FHAD1: variants seen among roughly 807,000 people sequenced by gnomAD.
The protein encoded by FHAD1 is forkhead associated phosphopeptide binding domain 1, also known as forkhead-associated domain-containing protein 1.
A neutral mutation model predicts 191.3 loss-of-function variants in FHAD1; 146 were observed. That is an observed-to-expected ratio of 0.76 (90% CI 0.67 to 0.88). The LOEUF is 0.88. Ranked by LOEUF, FHAD1 falls within the 40% of genes least tolerant of loss-of-function variation. FHAD1 has a pLI of 0.00. For missense variants in FHAD1, 1,635 were observed against 1,785.8 expected (o/e 0.92, Z 1.52); for synonymous variants, 616 against 672.3 (o/e 0.92, Z 1.29).
chr1:15,273,061 G>T (rs1003529343), intron 3 of FHAD1, among the ~76,000 whole-genome samples: 1 of 152,150 alleles, frequency 6.6e-6, no homozygotes, highest in Non-Finnish European at 1.5e-5. Flanking sequence ...CCCTAAACAT[G>T]TCTGATTATC....
chr1:15,308,104 C>T (rs1671091702), intron 6 of FHAD1, among the ~76,000 whole-genome samples: 3 of 152,210 alleles, frequency 2.0e-5, no homozygotes, highest in Non-Finnish European at 4.4e-5. Context: ...GGAGCATTCC[C>T]AGGAGCCTTC....
intron 8 of FHAD1, 97 bp downstream of exon 8, chr1:15,313,284 A>G (rs1334099923): frequency 2.7e-5 from 26 of 961,700 alleles, no homozygotes; most frequent in Non-Finnish European, 3.0e-5. Context: ...CTGGGCCCTT[A>G]GTTTAAATTT....
At chr1:15,280,227 T>C (rs7553794) in intron 3 of FHAD1, among the ~76,000 whole-genome samples, 31,982 of 152,048 alleles carry the variant, frequency 0.21, 4,731 homozygotes, top group African/African-American at 0.41. Flanking sequence ...CCAGAGAGCA[T>C]GGCACACTTC....
intron 4 of FHAD1, among the ~76,000 whole-genome samples, chr1:15,292,338 T>C (rs1201487893): frequency 6.6e-6 from 1 of 151,798 alleles, no homozygotes; most frequent in East Asian, 1.9e-4. Context: ...TTTTTTGTTT[T>C]GTTTTGTCTT....
At chr1:15,267,040 C>T (rs919423882) in intron 2 of FHAD1, among the ~76,000 whole-genome samples, 20 of 151,952 alleles carry the variant, frequency 1.3e-4, no homozygotes, top group South Asian at 6.2e-4. Context: ...AAACATGCAT[C>T]CAAAATAAAT....
chr1:15,374,564 G>C lies in FHAD1; in HGVS notation c.3510G>C (p.Gln1170His), dbSNP rs1354694556. ...GGTCCCGGCACGAGGAGGTCATTCA[G>C]CGTCAGAAAAAGGCCTTATCTGAAC... The part of the protein sequence containing the change: ...CKGSRHEEVI[Q>H]RQKKALSELR... The change falls in exon 27 of 34, where the codon CAG becomes CAC. Residue 1170 changes from glutamine (Q) to histidine (H), a missense_variant. Coordinates refer to ENST00000688493, the MANE Select transcript of FHAD1 (RefSeq NM_001391957.1). 1.3e-6 allele frequency: 2 copies of C among 1,551,764 alleles called. No individual in the cohort carries two copies. The highest frequency in any genetic ancestry group is 1.7e-6 in the Non-Finnish European group (2 of 1,147,004).
chr1:15,390,844 C>G (rs932666544), intron 32 of FHAD1, among the ~76,000 whole-genome samples: 4 of 152,210 alleles, frequency 2.6e-5, no homozygotes, highest in African/African-American at 4.8e-5. Context: ...CGGGCATCTG[C>G]AGCCCCTTCC....
chr1:15,277,036 T>G (rs996381885), intron 3 of FHAD1, among the ~76,000 whole-genome samples: 1 of 152,222 alleles, frequency 6.6e-6, no homozygotes, highest in Non-Finnish European at 1.5e-5. Context: ...TGATGTTTGC[T>G]TGTTGGTTTC....
At chr1:15,335,284 G>A (rs1683552648) in intron 14 of FHAD1, 1 of 152,154 alleles carries the variant, frequency 6.6e-6, no homozygotes. Context: ...GGTTTCTCAG[G>A]GTTCCTCTGA....
At position 15,317,861 on chromosome 1, in the gene FHAD1, G is replaced by A; in HGVS notation, c.1298G>A (p.Arg433Lys). The change falls in exon 10 of 34, where the codon AGG becomes AAG. Residue 433 changes from arginine (R) to lysine (K), a missense_variant. By Grantham distance (26) the Arg-to-Lys change is conservative. Transcript: ENST00000688493. Reference sequence around the variant, plus strand: ...ATGGAGAAAGAAATGAAGAAGCTTAGGGCAGAGCTGAGGAAGAGTTGTACT... The same window carrying A: ...ATGGAGAAAGAAATGAAGAAGCTTAAGGCAGAGCTGAGGAAGAGTTGTACT... ...QDMEKEMKKL[R>K]AELRKSCTEQ... 1 of 1,551,750 alleles carries A rather than the reference G, an allele frequency of 6.4e-7. No individual in the cohort carries two copies. Among genetic ancestry groups the A allele is most frequent in the Non-Finnish European group, 8.7e-7 (1 of 1,146,986 alleles).
At chr1:15,343,478 T>C (rs1558169747) in intron 16 of FHAD1, among the ~76,000 whole-genome samples, 1 of 151,876 alleles carries the variant, frequency 6.6e-6, no homozygotes, top group African/African-American at 2.4e-5. Flanking sequence ...GCTCCTTCTC[T>C]ACCACACACA....
chr1:15,358,115 A>G lies in FHAD1; in HGVS notation c.2568A>G (p.Leu856=). 2 of 1,504,126 alleles carry G rather than the reference A, an allele frequency of 1.3e-6. No homozygotes were observed. The highest frequency in any genetic ancestry group is 1.3e-5 in the South Asian group (1 of 75,938). 93.2% of individuals were successfully genotyped at this position (1,504,126 alleles called of 1,614,324 possible). ...CTACTTGTTTTTTTGTCTAGGAATT[A>G]GAATTAAAAGAGCAAAAAGAGGACG... ...ENRLTKQKEE[L]ELKEQKEDVL... Residue 856 remains leucine (L), a synonymous_variant, in exon 21 of 34, where the codon TTA becomes TTG. Coordinates refer to ENST00000688493, the MANE Select transcript of FHAD1 (RefSeq NM_001391957.1).
Position 15,381,357 on chromosome 1 carries a change from G to T in FHAD1, c.3928G>T (p.Asp1310Tyr). ...KVNQLRQRDL[D>Y]LVFDKITQLK... is the part of the protein sequence containing the mutation. ...CAACCAGCTTCGACAAAGGGACCTC[G>T]ACCTGGTGTTTGATAAGATCACCCA... The change falls in exon 30 of 34, where the codon GAC (aspartate) becomes TAC (tyrosine). Residue 1310 changes from aspartate to tyrosine, a missense_variant. By Grantham distance (160) the Asp-to-Tyr change is radical. Transcript: ENST00000688493. The surrounding 1 kb of genome is among the most constrained non-coding windows in gnomAD (Gnocchi z 4.6). 1.3e-6 allele frequency: 2 copies of T among 1,551,716 alleles called. No individual in the cohort carries two copies. Among genetic ancestry groups the T allele is most frequent in the South Asian group, 2.4e-5 (2 of 84,022 alleles).
chr1:15,256,561 G>A (rs543572493), intron 2 of FHAD1, among the ~76,000 whole-genome samples: 6 of 146,858 alleles, frequency 4.1e-5, no homozygotes, highest in South Asian at 4.3e-4. Context: ...CCTGAGGCAG[G>A]AGAATTGATT....
chr1:15,264,782 C>T (rs940488595), intron 2 of FHAD1, among the ~76,000 whole-genome samples: 1 of 152,034 alleles, frequency 6.6e-6, no homozygotes, highest in Non-Finnish European at 1.5e-5. Flanking sequence ...AGTCTTTCAC[C>T]ACTGAGAATT....
In FHAD1 at chr1:15,341,712, C is replaced by T. The variant is rs750785617; in HGVS notation, c.1978-24C>T. On this transcript the variant is annotated intron_variant, in intron 15 of 33. Coordinates refer to ENST00000688493, the MANE Select transcript of FHAD1 (RefSeq NM_001391957.1). ...AGTTAGGCCTGTCCCCCATCAGCAT[C>T]GGTTTACTTTTCTCACATTTCAGAT... is the stretch of plus-strand genomic sequence containing the variant. 3.7e-5 allele frequency: 57 copies of T among 1,538,432 alleles called. 3 individuals are homozygous for T. In the South Asian group the frequency reaches 5.5e-4, roughly 15 times the overall value.
In FHAD1 at chr1:15,380,700, G is replaced by A; in HGVS notation, c.3706-1G>A. 3 of 1,551,090 alleles carry A rather than the reference G, an allele frequency of 1.9e-6. No homozygotes were observed. The highest frequency in any genetic ancestry group is 2.6e-6 in the Non-Finnish European group (3 of 1,146,438). On this transcript the variant is annotated splice_acceptor_variant, in intron 28 of 33. Transcript: ENST00000688493. LOFTEE classifies it high-confidence loss of function. ...GGCCTTTCATTTCTTTCTGATTTCA[G>A]CCTCAGAATGGCCTTTGCAACGCAA... is the stretch of plus-strand genomic sequence containing the variant.
At chr1:15,293,495 G>A (rs185275433) in intron 4 of FHAD1, among the ~76,000 whole-genome samples, 4 of 152,140 alleles carry the variant, frequency 2.6e-5, no homozygotes, top group Non-Finnish European at 4.4e-5. Flanking sequence ...CAAGGAGGGC[G>A]AATCACAAGG....
chr1:15,379,821 A>G (rs910650108), intron 28 of FHAD1, among the ~76,000 whole-genome samples: 3 of 152,214 alleles, frequency 2.0e-5, no homozygotes. Context: ...TGAGTTTGAC[A>G]CAGCACATGT....
Sources: allele counts gnomAD v4.1 joint callset (sites outside exome capture counted in the v4.1 genomes callset), GRCh38; gene constraint gnomAD v4.1.1; non-coding constraint Gnocchi (gnomAD v3.1); transcripts MANE v1.5; gene names NCBI Gene and HGNC (gene_info 2026-07-23, HGNC 2026-07-21).